Variants in EVC2 observed in about 807,000 individuals in gnomAD.
EVC2 encodes limbin.
EVC2 carries 148 observed loss-of-function variants against 149.3 expected under a neutral mutation model. The ratio of observed to expected loss-of-function variants is 0.99; its 90% CI spans 0.87 to 1.14. EVC2 has a LOEUF of 1.14. Among genes scored for constraint, EVC2 ranks in the 50% most tolerant of loss-of-function variants. The probability of loss-of-function intolerance (pLI) is 0.00; values close to 1 mark genes in which losing one functional copy is unlikely to be tolerated. For missense variants in EVC2, 1,854 were observed against 1,627.3 expected, an observed-to-expected ratio of 1.14 and a Z score of -2.40; for synonymous variants, 776 against 649.9, an observed-to-expected ratio of 1.19 and a Z score of -2.95.
chr4:5,607,662 A>G (rs930976012), intron 16 of EVC2, among the ~76,000 whole-genome samples: 4 of 152,124 alleles, frequency 2.6e-5, no homozygotes, highest in African/African-American at 9.7e-5. Flanking sequence ...AATCAGTCAT[A>G]CAAGTCTTTC....
At chr4:5,547,821 G>A (rs1453961440) in intron 21 of EVC2, among the ~76,000 whole-genome samples, 1 of 152,190 alleles carries the variant, frequency 6.6e-6, no homozygotes, top group Non-Finnish European at 1.5e-5. Flanking sequence ...TCGCCATGTT[G>A]TGGTTGAAGA....
Position 5,576,438 on chromosome 4 carries a change from T to C in EVC2, c.3074A>G (p.Glu1025Gly), listed in dbSNP as rs749779764. 1.9e-6 allele frequency: 3 copies of C among 1,603,230 alleles called. No homozygotes were observed. The South Asian group carries it at 3.3e-5, about 18-fold the overall frequency. Residue 1025 changes from glutamate (E) to glycine (G), a missense_variant, in exon 18 of 22, where the codon GAG becomes GGG. Glu to Gly is a moderately conservative substitution (Grantham distance 98). Coordinates refer to ENST00000344408, the MANE Select transcript of EVC2 (RefSeq NM_147127.5). This position sits in a 1 kb window ranked among gnomAD's most constrained non-coding sequence, Gnocchi z 4.5. ...CACCAGCTGGTCCTCCAGCTTCCTC[T>C]CCAACTCCTGGAGCTCCTACACAAG... The part of the protein sequence containing the change: ...ESHSRELQEL[E>G]RKLEDQLVQQ...
At chr4:5,671,061 G>A (rs985729190) in intron 7 of EVC2, among the ~76,000 whole-genome samples, 6 of 152,154 alleles carry the variant, frequency 3.9e-5, no homozygotes, top group African/African-American at 1.4e-4. Flanking sequence ...TAAGCACCAG[G>A]GATGGATCCA....
In EVC2 at chr4:5,625,982, A is replaced by G; in HGVS notation, c.1887-74T>C. ...GTAGCTTAACTGCTATTGTGCCTGA[A>G]CATTCATCTCCATATTAGTTTGGTT... On this transcript the variant is annotated intron_variant, in intron 12 of 21. Coordinates refer to ENST00000344408, the MANE Select transcript of EVC2 (RefSeq NM_147127.5). This position sits in a 1 kb window ranked among gnomAD's most constrained non-coding sequence, Gnocchi z 4.0. 1.3e-6 allele frequency: 2 copies of G among 1,560,118 alleles called. No homozygotes were observed. Among genetic ancestry groups the G allele is most frequent in the East Asian group, 2.2e-5 (1 of 44,586 alleles).
At chr4:5,566,848 C>T (rs373806431) in intron 20 of EVC2, among the ~76,000 whole-genome samples, 172 of 152,250 alleles carry the variant, frequency 1.1e-3, no homozygotes, top group African/African-American at 3.8e-3. Context: ...GTGGCCTCCC[C>T]GCAGCCACAC....
chr4:5,621,599 G>A (rs773250480), intron 14 of EVC2, among the ~76,000 whole-genome samples: 1 of 152,164 alleles, frequency 6.6e-6, no homozygotes, highest in Non-Finnish European at 1.5e-5. Flanking sequence ...AGCACAAAAG[G>A]CTCCCTTCCT....
chr4:5,585,700 C>G (rs1426640521), intron 16 of EVC2, among the ~76,000 whole-genome samples: 10 of 152,132 alleles, frequency 6.6e-5, no homozygotes, highest in Admixed American at 6.5e-4. Flanking sequence ...TCGCCACAAC[C>G]AGGGTAGTGA....
At position 5,703,455 on chromosome 4, in the gene EVC2, C is replaced by A. The variant is rs549384066; in HGVS notation, c.228+4831G>T. On this transcript the variant is annotated intron_variant, in intron 1 of 21. Transcript: ENST00000344408. ...AGCTGCACAGAAGCATCAAGAGTAC[C>A]CAATAAATATTTATAAGTTGACACA... 2.0e-5 allele frequency among the ~76,000 whole-genome samples: 3 copies of A among 152,222 alleles called. No homozygotes were observed. In the South Asian group the frequency reaches 6.2e-4, roughly 32 times the overall value.
At chr4:5,653,382 A>G (rs998070568) in intron 9 of EVC2, among the ~76,000 whole-genome samples, 8 of 152,226 alleles carry the variant, frequency 5.3e-5, no homozygotes, top group Non-Finnish European at 7.3e-5. Context: ...TATTAGGCGT[A>G]CCAGAGACTA....
intron 14 of EVC2, among the ~76,000 whole-genome samples, chr4:5,619,368 A>G (rs994246759): frequency 1.3e-5 from 2 of 152,222 alleles, no homozygotes; most frequent in East Asian, 3.8e-4. Context: ...TGGTGTCCTT[A>G]TAAGAAAAGA....
chr4:5,656,531 G>T (rs1479434209), intron 9 of EVC2, among the ~76,000 whole-genome samples: 1 of 152,180 alleles, frequency 6.6e-6, no homozygotes, highest in African/African-American at 2.4e-5. Flanking sequence ...TATCCAGTGA[G>T]CCCTAAACCC....
intron 9 of EVC2, among the ~76,000 whole-genome samples, chr4:5,642,194 T>A (rs1176853731): frequency 6.6e-6 from 1 of 152,220 alleles, no homozygotes; most frequent in Admixed American, 6.5e-5. Context: ...CGATGGGCAT[T>A]TGGGTTGGTT....
chr4:5,626,211 T>C (rs1405822058), intron 12 of EVC2, among the ~76,000 whole-genome samples: 2 of 152,102 alleles, frequency 1.3e-5, no homozygotes, highest in Non-Finnish European at 1.5e-5. Flanking sequence ...AGATGGTAGA[T>C]TAAAAATCCT....
At chr4:5,665,414 A>T in intron 8 of EVC2, 101 bp downstream of exon 8, 1 of 1,578,686 alleles carries the variant, frequency 6.3e-7, no homozygotes, top group Non-Finnish European at 8.7e-7. Flanking sequence ...CAGCTCCCTC[A>T]GCAATGCTGA....
At position 5,622,784 on chromosome 4, in the gene EVC2, G is replaced by A. The variant is rs532778814; in HGVS notation, c.2254C>T (p.Arg752Trp). 5.6e-6 allele frequency: 9 copies of A among 1,614,030 alleles called. No homozygotes were observed. The highest frequency in any genetic ancestry group is 1.7e-5 in the Admixed American group (1 of 60,014). The change falls in exon 14 of 22, where the codon CGG becomes TGG. Residue 752 changes from arginine (R) to tryptophan (W), a missense_variant. Transcript: ENST00000344408. This position sits in a 1 kb window ranked among gnomAD's most constrained non-coding sequence, Gnocchi z 5.8. ...SLFEKATDEL[R>W]RLQNSAMTQE... is the part of the protein sequence containing the mutation. ...GTCATGGCTGAGTTCTGCAGGCGCC[G>A]CAGCTCGTCGGTGGCCTTTTCAAAC...
chr4:5,568,551 G>A lies in EVC2; in HGVS notation c.3450C>T (p.Ala1150=). ...GCAGGGCCAGCAGCTGAGGCTGTGA[G>A]GCTGTGGGCAGTACCACACTCAGGA... ...RRLLSVVLPT[A]SQPQLLALLD... The change falls in exon 20 of 22, where the codon GCC becomes GCT. Residue 1150 remains alanine (A), a synonymous_variant. Transcript: ENST00000344408. 6 of 1,604,554 alleles carry A rather than the reference G, an allele frequency of 3.7e-6. No homozygotes were observed. The highest frequency in any genetic ancestry group is 1.1e-5 in the South Asian group (1 of 89,134).
chr4:5,545,147 G>A lies in EVC2; in HGVS notation c.3420-1935C>T, dbSNP rs143631341. Among the ~76,000 whole-genome samples the A allele has an allele frequency of 1.9e-3, 290 of 152,332 alleles. 1 individual carries two copies. The highest frequency in any genetic ancestry group is 0.01 in the South Asian group (49 of 4,820). On this transcript the variant is annotated intron_variant and NMD_transcript_variant, in intron 21 of 22. Transcript: ENST00000475313. ...CTATAGATGGCCCTGTATGGGATCT[G>A]TGTCCCCATGTAGATAGTGAGCTCC...
chr4:5,689,110 A>C, intron 5 of EVC2, 47 bp downstream of exon 5: 2 of 1,601,426 alleles, frequency 1.2e-6, no homozygotes, highest in Non-Finnish European at 1.7e-6. Flanking sequence ...AAGTATCTGT[A>C]CATATTCTCA....
rs74930168 is a variant in EVC2 at position 5,689,188 on chromosome 4, T to C, written c.675A>G (p.Gly225=). 1,467 of 1,614,208 alleles carry C rather than the reference T, an allele frequency of 9.1e-4. 14 individuals are homozygous for C. In the African/African-American group the frequency reaches 0.016, roughly 17 times the overall value. The change falls in exon 5 of 22, where the codon GGA becomes GGG. Residue 225 remains glycine, a synonymous_variant. Transcript: ENST00000344408. ...GAAACTTCTTGCTAAAAGCCTGGAA[T>C]CCTTCCGAGGTCCTGTTTCCCACAG... ...WDSVGNRTSE[G]FQAFSKKFLQ... is the part of the protein sequence containing the mutation.
Sources: gnomAD v4.1 joint callset for allele counts (sites outside exome capture counted in the v4.1 genomes callset) on GRCh38, gnomAD v4.1.1 for gene constraint, Gnocchi (gnomAD v3.1) non-coding constraint, MANE v1.5 for transcripts, NCBI Gene and HGNC (gene_info 2026-07-23, HGNC 2026-07-21) for gene names.